Variants in RIMS2 observed in about 807,000 individuals in gnomAD.
RIMS2 encodes the protein regulating synaptic membrane exocytosis protein 2.
RIMS2 carries 59 observed loss-of-function variants against 174.4 expected under a neutral mutation model. The observed-to-expected ratio is 0.34, with a 90% CI of 0.27 to 0.42. The LOEUF is 0.42. RIMS2 is among the 10% of genes least tolerant of loss of function. RIMS2 has a pLI of 1.00. For synonymous variants in RIMS2, 606 were observed against 572.5 expected (o/e 1.06, Z -0.84); for missense variants, 1,620 against 1,666.3 (o/e 0.97, Z 0.48).
chr8:104,114,764 G>T lies in RIMS2; in HGVS notation c.3334+100149G>T, dbSNP rs142183797. 1.1e-3 allele frequency among the ~76,000 whole-genome samples: 174 copies of T among 151,928 alleles called. 3 individuals are homozygous for T. The East Asian group carries it at 0.03, about 26-fold the overall frequency. On this transcript the variant is annotated intron_variant, in intron 19 of 23. Transcript: ENST00000504942. The stretch of plus-strand genomic sequence containing the variant: ...TTATTAGCATAGTTGCTGCAGAAAT[G>T]ACAGATTAAAATATCAATATGCTTA...
At chr8:104,250,234 G>C (rs1051206073) in intron 22 of RIMS2, among the ~76,000 whole-genome samples, 2 of 152,150 alleles carry the variant, frequency 1.3e-5, no homozygotes, top group Non-Finnish European at 2.9e-5. Context: ...TCTGAAACTT[G>C]ATTTCTAGCC....
At chr8:103,639,036 G>A (rs1008152210) in intron 1 of RIMS2, among the ~76,000 whole-genome samples, 1 of 152,042 alleles carries the variant, frequency 6.6e-6, no homozygotes, top group Middle Eastern at 3.4e-3. Context: ...GTATTCTGTG[G>A]CAGTTACTTG....
At chr8:103,964,706 A>C (rs574487439) in intron 15 of RIMS2, among the ~76,000 whole-genome samples, 5 of 152,292 alleles carry the variant, frequency 3.3e-5, no homozygotes, top group Non-Finnish European at 7.4e-5. Flanking sequence ...TTCATCAATC[A>C]TGCCTATGGT....
intron 19 of RIMS2, among the ~76,000 whole-genome samples, chr8:104,047,471 T>TC (rs2096714411): frequency 6.6e-6 from 1 of 152,034 alleles, no homozygotes; most frequent in South Asian, 2.1e-4. Context: ...TGCTCCATGA[T>TC]CTTGTGAAAG....
intron 1 of RIMS2, among the ~76,000 whole-genome samples, chr8:103,542,887 C>T (rs1427870052): frequency 1.3e-5 from 2 of 152,072 alleles, no homozygotes; most frequent in African/African-American, 4.8e-5. Flanking sequence ...ACAATACAGG[C>T]GTTACATCAC....
At chr8:104,192,529 A>G (rs2099003154) in intron 19 of RIMS2, among the ~76,000 whole-genome samples, 1 of 152,110 alleles carries the variant, frequency 6.6e-6, no homozygotes, top group Non-Finnish European at 1.5e-5. Flanking sequence ...TATTTTCTCC[A>G]TTTTAAATGT....
intron 19 of RIMS2, among the ~76,000 whole-genome samples, chr8:104,198,190 T>A (rs1179277489): frequency 6.6e-6 from 1 of 152,080 alleles, no homozygotes; most frequent in Non-Finnish European, 1.5e-5. Flanking sequence ...ACAAAGACAC[T>A]CAATGTTAAC....
At chr8:104,142,890 A>G (rs12542109) in intron 19 of RIMS2, among the ~76,000 whole-genome samples, 3,019 of 152,336 alleles carry the variant, frequency 0.02, 140 homozygotes, top group East Asian at 0.15. Flanking sequence ...TAATGTGTTT[A>G]TATACAGTAC....
chr8:104,222,464 G>T (rs192165768), intron 19 of RIMS2, among the ~76,000 whole-genome samples: 3 of 152,220 alleles, frequency 2.0e-5, no homozygotes, highest in Admixed American at 2.0e-4. Context: ...TATTACACAC[G>T]CCCAGTGATC....
chr8:103,608,935 C>T (rs1304167187), intron 1 of RIMS2, among the ~76,000 whole-genome samples: 1 of 152,220 alleles, frequency 6.6e-6, no homozygotes. Context: ...GATGGAAATG[C>T]AGAAATCACC....
At chr8:104,169,341 A>ATATATATAT (rs1563510137) in intron 19 of RIMS2, among the ~76,000 whole-genome samples, 535 of 33,258 alleles carry the variant, frequency 0.016, 3 homozygotes, top group Middle Eastern at 0.03. Flanking sequence ...TATATATATA[A>ATATATATAT]AACAGATTCA....
At chr8:103,783,855 A>C (rs926221679) in intron 3 of RIMS2, among the ~76,000 whole-genome samples, 1 of 151,794 alleles carries the variant, frequency 6.6e-6, no homozygotes, top group Non-Finnish European at 1.5e-5. Context: ...TGACTTCCAC[A>C]ATGGTTGAAC....
chr8:104,140,183 A>G (rs777934196), intron 19 of RIMS2, among the ~76,000 whole-genome samples: 3 of 152,092 alleles, frequency 2.0e-5, no homozygotes, highest in Admixed American at 6.6e-5. Flanking sequence ...AGATTTTTGC[A>G]TCTTAAAACC....
intron 2 of RIMS2, among the ~76,000 whole-genome samples, chr8:103,748,379 C>G (rs966241131): frequency 1.3e-5 from 2 of 151,992 alleles, no homozygotes; most frequent in Non-Finnish European, 2.9e-5. Flanking sequence ...TAGGAAGTTG[C>G]GGCTGCACGA....
intron 2 of RIMS2, among the ~76,000 whole-genome samples, chr8:103,712,784 C>A (rs1015534571): frequency 6.6e-6 from 1 of 152,088 alleles, no homozygotes; most frequent in African/African-American, 2.4e-5. Context: ...GTCATGAATT[C>A]CTTTATCCCT....
intron 2 of RIMS2, among the ~76,000 whole-genome samples, chr8:103,736,911 C>T (rs1222857286): frequency 5.3e-5 from 8 of 152,002 alleles, no homozygotes; most frequent in Non-Finnish European, 7.4e-5. Context: ...GGCTTGTTTT[C>T]CTCAGATCAG....
At chr8:103,652,587 T>A in intron 1 of RIMS2, 37 bp from the exon 3 acceptor site, 1 of 1,103,354 alleles carries the variant, frequency 9.1e-7, no homozygotes. Context: ...TGTTATTCAT[T>A]TGGTTATTCA....
At chr8:103,792,725 C>T (rs539552074) in intron 3 of RIMS2, among the ~76,000 whole-genome samples, 66 of 147,598 alleles carry the variant, frequency 4.5e-4, no homozygotes, top group African/African-American at 1.5e-3. Flanking sequence ...ATCAAATAGA[C>T]GCAATAAAAA....
intron 3 of RIMS2, among the ~76,000 whole-genome samples, chr8:103,812,897 T>C (rs1432311584): frequency 1.3e-5 from 2 of 152,218 alleles, no homozygotes; most frequent in South Asian, 2.1e-4. Flanking sequence ...GTCTTTCTTA[T>C]AGCCTTTAGA....
Sources: gnomAD v4.1 joint callset for allele counts (sites outside exome capture counted in the v4.1 genomes callset) on GRCh38, gnomAD v4.1.1 for gene constraint, MANE v1.5 for transcripts, NCBI Gene and HGNC (gene_info 2026-07-23, HGNC 2026-07-21) for gene names.